EPHA3: variants seen among roughly 807,000 people sequenced by gnomAD.
EPHA3 encodes the protein ephrin type-A receptor 3.
In EPHA3, 42 loss-of-function variants were observed where a neutral mutation model predicts 107.1. The observed-to-expected ratio is 0.39, with a 90% CI of 0.31 to 0.51. EPHA3 has a LOEUF of 0.51. Ranked by LOEUF, EPHA3 falls within the 20% of genes least tolerant of loss-of-function variation. EPHA3 has a pLI of 0.78. For missense variants in EPHA3, 1,183 were observed against 1,211.2 expected, an observed-to-expected ratio of 0.98 and a Z score of 0.35; for synonymous variants, 461 against 424.8, an observed-to-expected ratio of 1.09 and a Z score of -1.05.
intron 2 of EPHA3, among the ~76,000 whole-genome samples, chr3:89,133,187 G>A (rs2106992905): frequency 6.6e-6 from 1 of 152,242 alleles, no homozygotes; most frequent in African/African-American, 2.4e-5. Context: ...GTATTTAGGA[G>A]AAGGAAAGTT....
chr3:89,247,714 CAA>C (rs1263339918), intron 3 of EPHA3, among the ~76,000 whole-genome samples: 1 of 152,018 alleles, frequency 6.6e-6, no homozygotes, highest in Admixed American at 6.6e-5. Flanking sequence ...ATTTTGTGGC[CAA>C]AGTCATTGTG....
At chr3:89,361,370 T>C (rs1230107901) in intron 5 of EPHA3, among the ~76,000 whole-genome samples, 4 of 150,836 alleles carry the variant, frequency 2.7e-5, no homozygotes, top group African/African-American at 7.3e-5. Flanking sequence ...CAGTACATGA[T>C]ATATTTATTT....
chr3:89,431,644 C>T (rs1309064069), intron 13 of EPHA3, among the ~76,000 whole-genome samples: 1 of 152,042 alleles, frequency 6.6e-6, no homozygotes, highest in Non-Finnish European at 1.5e-5. Context: ...TTTAAATGTA[C>T]CCATCTTTTC....
chr3:89,109,460 T>A (rs1707049529), intron 1 of EPHA3, among the ~76,000 whole-genome samples: 1 of 151,998 alleles, frequency 6.6e-6, no homozygotes, highest in African/African-American at 2.4e-5. Flanking sequence ...CACATTGTCA[T>A]GATAAATTAT....
At chr3:89,120,915 A>C (rs954124737) in intron 1 of EPHA3, among the ~76,000 whole-genome samples, 2 of 152,238 alleles carry the variant, frequency 1.3e-5, no homozygotes, top group African/African-American at 2.4e-5. Context: ...AAGGTTTTTC[A>C]TAGCAATGTT....
chr3:89,457,272 C>A (rs1458303682), intron 15 of EPHA3, among the ~76,000 whole-genome samples: 1 of 152,302 alleles, frequency 6.6e-6, no homozygotes, highest in Non-Finnish European at 1.5e-5. Flanking sequence ...GGGAAAAAGC[C>A]TGATAGATCA....
chr3:89,451,614 A>G (rs1286564471), intron 15 of EPHA3, among the ~76,000 whole-genome samples: 1 of 152,132 alleles, frequency 6.6e-6, no homozygotes, highest in Non-Finnish European at 1.5e-5. Context: ...TGCCTACTCA[A>G]TGGCTTGGAC....
intron 3 of EPHA3, among the ~76,000 whole-genome samples, chr3:89,297,113 A>G (rs984997748): frequency 6.6e-6 from 1 of 152,196 alleles, no homozygotes; most frequent in Non-Finnish European, 1.5e-5. Flanking sequence ...AACTTCTTTC[A>G]TATCAGCAAT....
intron 16 of EPHA3, 69 bp from the exon 17 acceptor site, chr3:89,479,328 C>G (rs922549203): frequency 4.1e-6 from 5 of 1,228,074 alleles, no homozygotes; most frequent in Admixed American, 1.8e-5. Context: ...GCAAATTGTG[C>G]TAATTGAAAA....
intron 3 of EPHA3, among the ~76,000 whole-genome samples, chr3:89,239,842 C>CGAAA (rs1704853307): frequency 6.6e-6 from 1 of 152,160 alleles, no homozygotes; most frequent in Non-Finnish European, 1.5e-5. Flanking sequence ...AGTATGCTTT[C>CGAAA]CTGTCTCACT....
chr3:89,469,178 A>G (rs1423730527), intron 15 of EPHA3, among the ~76,000 whole-genome samples: 27 of 152,196 alleles, frequency 1.8e-4, no homozygotes, highest in Admixed American at 1.8e-3. Flanking sequence ...GAACTTGTGA[A>G]GTAAAAAGGA....
chr3:89,109,084 C>T (rs1358260191), intron 1 of EPHA3, among the ~76,000 whole-genome samples: 7 of 152,108 alleles, frequency 4.6e-5, no homozygotes, highest in African/African-American at 1.7e-4. Context: ...CGGTGACCTA[C>T]TTTCACTGCT....
chr3:89,461,264 G>A (rs1234939561), intron 15 of EPHA3, among the ~76,000 whole-genome samples: 1 of 110,530 alleles, frequency 9.0e-6, no homozygotes, highest in Non-Finnish European at 1.7e-5. Context: ...CTTTGCTATT[G>A]AGAATAGTGC....
At chr3:89,139,240 T>C (rs1301184559) in intron 2 of EPHA3, among the ~76,000 whole-genome samples, 1 of 151,872 alleles carries the variant, frequency 6.6e-6, no homozygotes, top group African/African-American at 2.4e-5. Context: ...GGATGGTCTA[T>C]ACTTGGATAC....
chr3:89,230,942 T>A lies in EPHA3; in HGVS notation c.814+20422T>A, dbSNP rs555972765. Among the ~76,000 whole-genome samples, 3 of 152,176 alleles carry A rather than the reference T, an allele frequency of 2.0e-5. No individual in the cohort carries two copies. The South Asian group carries it at 6.2e-4, about 32-fold the overall frequency. On this transcript the variant is annotated intron_variant, in intron 3 of 16. Transcript: ENST00000336596. ...GTACAGGCATGGTCGTGCCCATCAT[T>A]GGCTTTCTCCATGGCTAAGTATCTA...
At chr3:89,179,121 G>T (rs1705382316) in intron 2 of EPHA3, among the ~76,000 whole-genome samples, 1 of 151,800 alleles carries the variant, frequency 6.6e-6, no homozygotes, top group South Asian at 2.1e-4. Flanking sequence ...AGTGTTATTT[G>T]TGTTTCTTGC....
intron 11 of EPHA3, among the ~76,000 whole-genome samples, chr3:89,419,621 C>G (rs564673204): frequency 1.3e-5 from 2 of 151,286 alleles, no homozygotes; most frequent in East Asian, 2.0e-4. Flanking sequence ...ATACTAGAAG[C>G]CACATATTAG....
intron 3 of EPHA3, among the ~76,000 whole-genome samples, chr3:89,262,522 T>C (rs1705439631): frequency 1.3e-5 from 2 of 152,244 alleles, no homozygotes; most frequent in South Asian, 4.1e-4. Flanking sequence ...GACCACTTTA[T>C]GAGGACACTA....
At chr3:89,188,644 A>C (rs1483969351) in intron 2 of EPHA3, among the ~76,000 whole-genome samples, 1 of 152,162 alleles carries the variant, frequency 6.6e-6, no homozygotes, top group Non-Finnish European at 1.5e-5. Context: ...CCAGACTCAT[A>C]ACAGGTGCTA....
Sources: gnomAD v4.1 joint callset for allele counts (sites outside exome capture counted in the v4.1 genomes callset) on GRCh38, gnomAD v4.1.1 for gene constraint, MANE v1.5 for transcripts, NCBI Gene and HGNC (gene_info 2026-07-23, HGNC 2026-07-21) for gene names.